Variants in SYT1 observed in about 807,000 individuals in gnomAD.
SYT1 encodes synaptotagmin-1.
SYT1 carries 8 observed loss-of-function variants against 44.8 expected under a neutral mutation model. The ratio of observed to expected loss-of-function variants is 0.18; its 90% confidence interval spans 0.10 to 0.32. The LOEUF (loss-of-function observed/expected upper bound fraction) is 0.32, where lower values mean the gene tolerates loss of function less well. Among genes scored for constraint, SYT1 ranks in the 10% least tolerant of loss-of-function variants. The pLI, the probability that SYT1 is intolerant of heterozygous loss-of-function variation, is 1.00. For synonymous variants in SYT1, 154 were observed against 188.8 expected (o/e 0.82, Z 1.51); for missense variants, 286 against 509.3 (o/e 0.56, Z 4.22).
rs55955147 is a variant in SYT1, at chr12:79,070,545, T to C, written c.-18+23183T>C. Among the ~76,000 whole-genome samples the C allele has an allele frequency of 2.8e-3, 432 of 152,290 alleles. 4 individuals are homozygous for C. The highest frequency in any genetic ancestry group is 9.4e-3 in the African/African-American group (390 of 41,584). On this transcript the variant is annotated intron_variant, in intron 3 of 10. Transcript: ENST00000261205. ...ATACTTGTATTTGAGGTTACACTTCTATTCTAAGTTCCTATTTCCAACACC... is the reference window on the plus strand; with the variant it reads ...ATACTTGTATTTGAGGTTACACTTCCATTCTAAGTTCCTATTTCCAACACC...
chr12:79,069,598 A>G (rs1303295212), intron 3 of SYT1, among the ~76,000 whole-genome samples: 1 of 151,960 alleles, frequency 6.6e-6, no homozygotes, highest in Non-Finnish European at 1.5e-5. Flanking sequence ...AGGAATCTAA[A>G]AATCCCTGTA....
intron 4 of SYT1, among the ~76,000 whole-genome samples, chr12:79,235,000 C>T (rs1325176693): frequency 7.9e-5 from 12 of 152,158 alleles, no homozygotes; most frequent in East Asian, 1.9e-4. Flanking sequence ...TGAGCCACTG[C>T]GCCCAGCCTA....
chr12:78,994,514 G>A (rs1217516632), intron 2 of SYT1, among the ~76,000 whole-genome samples: 16 of 135,972 alleles, frequency 1.2e-4, no homozygotes, highest in African/African-American at 4.3e-4. Context: ...TTCGCTTGGT[G>A]AGCATCCTTT....
chr12:78,871,232 GA>G (rs1290095638), intron 1 of SYT1, among the ~76,000 whole-genome samples: 1 of 152,002 alleles, frequency 6.6e-6, no homozygotes, highest in Non-Finnish European at 1.5e-5. Flanking sequence ...TGGATATTAT[GA>G]AACATCACAC....
intron 8 of SYT1, among the ~76,000 whole-genome samples, chr12:79,302,662 A>G (rs1592945379): frequency 6.6e-6 from 1 of 152,296 alleles, no homozygotes; most frequent in East Asian, 1.9e-4. Context: ...AGGTGGAAAC[A>G]TCACTGGTGA....
intron 1 of SYT1, among the ~76,000 whole-genome samples, chr12:78,934,723 CA>C (rs895955890): frequency 1.3e-5 from 2 of 152,030 alleles, no homozygotes; most frequent in Admixed American, 6.6e-5. Flanking sequence ...AAAATCTGAA[CA>C]TTTTTTTGAA....
At chr12:79,111,152 G>A (rs1262838894) in intron 3 of SYT1, among the ~76,000 whole-genome samples, 1 of 152,002 alleles carries the variant, frequency 6.6e-6, no homozygotes, top group Non-Finnish European at 1.5e-5. Context: ...AGGAGAATTC[G>A]TATATGTCAG....
intron 3 of SYT1, among the ~76,000 whole-genome samples, chr12:79,067,260 T>C (rs1174444265): frequency 6.6e-6 from 1 of 152,176 alleles, no homozygotes; most frequent in Non-Finnish European, 1.5e-5. Flanking sequence ...CCTATCTATT[T>C]TTTTCAAATG....
At chr12:79,163,838 T>C (rs1871093207) in intron 3 of SYT1, among the ~76,000 whole-genome samples, 1 of 152,100 alleles carries the variant, frequency 6.6e-6, no homozygotes. Flanking sequence ...TCTATACTTT[T>C]TAGCCTTTTT....
chr12:79,387,287 A>C (rs115123171), intron 9 of SYT1, among the ~76,000 whole-genome samples: 281 of 152,298 alleles, frequency 1.8e-3, no homozygotes, highest in African/African-American at 6.1e-3. Flanking sequence ...TGGCCCAGAA[A>C]AGAGACTAGA....
intron 3 of SYT1, among the ~76,000 whole-genome samples, chr12:79,054,912 T>C (rs958033844): frequency 9.9e-5 from 15 of 151,980 alleles, no homozygotes; most frequent in Non-Finnish European, 1.9e-4. Flanking sequence ...AAAATGGGTT[T>C]CCCACAATCA....
intron 1 of SYT1, among the ~76,000 whole-genome samples, chr12:78,962,330 TTC>T (rs1293999679): frequency 8.9e-5 from 13 of 146,146 alleles, no homozygotes; most frequent in African/African-American, 3.3e-4. Context: ...ATAGCATTCT[TTC>T]TTTTTTTTTT....
chr12:79,242,842 A>G (rs139442181), intron 4 of SYT1, among the ~76,000 whole-genome samples: 2 of 152,276 alleles, frequency 1.3e-5, no homozygotes, highest in East Asian at 3.9e-4. Flanking sequence ...TACATTGAAA[A>G]TTGTACCTTG....
At chr12:79,002,907 A>T (rs985485849) in intron 2 of SYT1, among the ~76,000 whole-genome samples, 4 of 152,064 alleles carry the variant, frequency 2.6e-5, no homozygotes, top group Non-Finnish European at 4.4e-5. Context: ...GAGTACAAGG[A>T]TCTTTTATTT....
At chr12:79,200,035 T>A (rs1191765167) in intron 3 of SYT1, among the ~76,000 whole-genome samples, 4 of 152,110 alleles carry the variant, frequency 2.6e-5, no homozygotes, top group Non-Finnish European at 1.5e-5. Flanking sequence ...CTTCTCTTCC[T>A]GGTGACATCT....
At chr12:79,132,695 A>C (rs1868920831) in intron 3 of SYT1, among the ~76,000 whole-genome samples, 1 of 150,598 alleles carries the variant, frequency 6.6e-6, no homozygotes, top group Non-Finnish European at 1.5e-5. Flanking sequence ...AAAAAAAAAA[A>C]AAAAAACCCT....
chr12:79,094,826 A>C (rs1321983467), intron 3 of SYT1, among the ~76,000 whole-genome samples: 1 of 151,956 alleles, frequency 6.6e-6, no homozygotes, highest in Non-Finnish European at 1.5e-5. Context: ...AACAGCAAAA[A>C]TAATTCTCAT....
At chr12:78,942,538 C>T (rs1020906966) in intron 1 of SYT1, among the ~76,000 whole-genome samples, 4 of 152,170 alleles carry the variant, frequency 2.6e-5, no homozygotes, top group African/African-American at 7.2e-5. Flanking sequence ...TCAAAGCGTC[C>T]ATGTCCTTCT....
intron 4 of SYT1, among the ~76,000 whole-genome samples, chr12:79,265,727 G>A (rs983458982): frequency 1.3e-5 from 2 of 152,002 alleles, no homozygotes; most frequent in East Asian, 1.9e-4. Context: ...CTACAATATG[G>A]TGTTTAGGAT....
Sources: allele counts gnomAD v4.1 joint callset (sites outside exome capture counted in the v4.1 genomes callset), GRCh38; gene constraint gnomAD v4.1.1; transcripts MANE v1.5; gene names NCBI Gene and HGNC (gene_info 2026-07-23, HGNC 2026-07-21).